RAB3C: variants seen among roughly 807,000 people sequenced by gnomAD.
The protein encoded by RAB3C is ras-related protein Rab-3C.
RAB3C carries 17 observed loss-of-function variants against 26.4 expected under a neutral mutation model. The observed-to-expected ratio is 0.64, with a 90% confidence interval of 0.44 to 0.97. RAB3C has a LOEUF of 0.97. Ranked by LOEUF, RAB3C falls within the 50% of genes least tolerant of loss-of-function variation. The pLI, the probability that RAB3C is intolerant of heterozygous loss-of-function variation, is 0.00. For synonymous variants in RAB3C, 91 were observed against 95.9 expected, an observed-to-expected ratio of 0.95 and a Z score of 0.30; for missense variants, 242 against 281.9, an observed-to-expected ratio of 0.86 and a Z score of 1.01.
chr5:58,803,300 T>A (rs1211703926), intron 3 of RAB3C, among the ~76,000 whole-genome samples: 1 of 152,198 alleles, frequency 6.6e-6, no homozygotes, highest in Non-Finnish European at 1.5e-5. Flanking sequence ...TGAGATAGAT[T>A]TGCTGCACTA....
chr5:58,598,159 T>G (rs1427842841), intron 1 of RAB3C, among the ~76,000 whole-genome samples: 1 of 88,134 alleles, frequency 1.1e-5, no homozygotes, highest in Non-Finnish European at 2.1e-5. Flanking sequence ...ATGTAATACA[T>G]TATATATAAG....
chr5:58,705,053 T>C (rs1748916571), intron 2 of RAB3C, among the ~76,000 whole-genome samples: 1 of 152,064 alleles, frequency 6.6e-6, no homozygotes, highest in African/African-American at 2.4e-5. Flanking sequence ...GATAATAATT[T>C]ATTATTTTTA....
chr5:58,600,355 T>A lies in RAB3C; in HGVS notation c.24+17123T>A, dbSNP rs541774878. On this transcript the variant is annotated intron_variant, in intron 1 of 4. Transcript: ENST00000282878. ...TTGGTTTCATATGAATTTTAGAATT[T>A]TTTTTTCTAATTCTGTGAAGAATAA... is the stretch of plus-strand genomic sequence containing the variant. Among the ~76,000 whole-genome samples, 18 of 152,204 alleles carry A rather than the reference T, an allele frequency of 1.2e-4. No homozygotes were observed. The South Asian group carries it at 3.7e-3, about 32-fold the overall frequency.
intron 1 of RAB3C, among the ~76,000 whole-genome samples, chr5:58,595,397 T>G (rs972323479): frequency 3.3e-5 from 5 of 152,114 alleles, no homozygotes; most frequent in Non-Finnish European, 7.4e-5. Context: ...CTGAGCTATA[T>G]CACCAAGAAG....
At chr5:58,845,987 T>A (rs297545) in intron 4 of RAB3C, among the ~76,000 whole-genome samples, 6,957 of 152,164 alleles carry the variant, frequency 0.046, 416 homozygotes, top group African/African-American at 0.14. Flanking sequence ...TCAGGCTTTT[T>A]TCACTTGGAA....
Position 58,660,656 on chromosome 5 carries a change from C to T in RAB3C, c.252+42786C>T, listed in dbSNP as rs182929237. Reference sequence around the variant, plus strand: ...AATTAATGCCAACAAGATAGACCAACGCTGATTAGTGACTTAAAGGAATAT... The same window carrying T: ...AATTAATGCCAACAAGATAGACCAATGCTGATTAGTGACTTAAAGGAATAT... On this transcript the variant is annotated intron_variant, in intron 2 of 4. Coordinates refer to ENST00000282878, the MANE Select transcript of RAB3C (RefSeq NM_138453.4). Among the ~76,000 whole-genome samples the T allele has an allele frequency of 1.8e-4, 27 of 150,446 alleles. 2 individuals carry two copies. In the East Asian group the frequency reaches 2.1e-3, roughly 12 times the overall value.
chr5:58,625,585 A>G (rs1417485226), intron 2 of RAB3C, among the ~76,000 whole-genome samples: 1 of 152,146 alleles, frequency 6.6e-6, no homozygotes, highest in African/African-American at 2.4e-5. Context: ...CCGGCCGGGC[A>G]CTGTGGCTTA....
intron 1 of RAB3C, among the ~76,000 whole-genome samples, chr5:58,587,791 A>G (rs966260037): frequency 1.3e-5 from 2 of 152,100 alleles, no homozygotes; most frequent in South Asian, 2.1e-4. Context: ...CTCCTGACCA[A>G]TCACGGGTTA....
chr5:58,659,647 T>A (rs1365945284), intron 2 of RAB3C, among the ~76,000 whole-genome samples: 1 of 152,192 alleles, frequency 6.6e-6, no homozygotes, highest in African/African-American at 2.4e-5. Context: ...GAACCAAGCT[T>A]CATTTCCCCC....
At chr5:58,842,539 C>G (rs1417828736) in intron 4 of RAB3C, among the ~76,000 whole-genome samples, 1 of 152,130 alleles carries the variant, frequency 6.6e-6, no homozygotes, top group Non-Finnish European at 1.5e-5. Flanking sequence ...GTACTATGCC[C>G]TATTGTCTCT....
chr5:58,750,031 T>C (rs1046514823), intron 3 of RAB3C, among the ~76,000 whole-genome samples: 2 of 152,208 alleles, frequency 1.3e-5, no homozygotes, highest in African/African-American at 4.8e-5. Context: ...ATTATTCTAT[T>C]TCATACTGTA....
chr5:58,620,938 C>A (rs75753474), intron 2 of RAB3C, among the ~76,000 whole-genome samples: 2,191 of 143,638 alleles, frequency 0.015, 49 homozygotes, highest in African/African-American at 0.053. Context: ...TTCCAGGAAT[C>A]CTTGCATTAT....
chr5:58,676,176 A>G (rs1247365959), intron 2 of RAB3C, among the ~76,000 whole-genome samples: 3 of 152,132 alleles, frequency 2.0e-5, no homozygotes, highest in African/African-American at 7.2e-5. Context: ...GAAATTCTGT[A>G]ACATTCAGAC....
chr5:58,771,819 TTTTTTTCTTTC>T (rs1422333229), intron 3 of RAB3C, among the ~76,000 whole-genome samples: 2 of 151,944 alleles, frequency 1.3e-5, no homozygotes, highest in African/African-American at 4.8e-5. Flanking sequence ...AAAACATCTT[TTTTTTTCTTTC>T]TTTTTTCTTT....
chr5:58,748,001 A>G (rs1343137617), intron 3 of RAB3C, among the ~76,000 whole-genome samples: 3 of 152,148 alleles, frequency 2.0e-5, no homozygotes, highest in Non-Finnish European at 4.4e-5. Context: ...GCAGGTGGCC[A>G]TGAAGAGATC....
At chr5:58,590,601 G>A (rs922686629) in intron 1 of RAB3C, among the ~76,000 whole-genome samples, 1 of 152,016 alleles carries the variant, frequency 6.6e-6, no homozygotes, top group Non-Finnish European at 1.5e-5. Flanking sequence ...GGAGTGCAGT[G>A]GCTGGATCTC....
At chr5:58,788,569 T>C (rs1742445355) in intron 3 of RAB3C, among the ~76,000 whole-genome samples, 1 of 152,264 alleles carries the variant, frequency 6.6e-6, no homozygotes, top group South Asian at 2.1e-4. Context: ...GACCCTGCTT[T>C]AGTGCACCTT....
At chr5:58,660,362 A>T (rs1277853044) in intron 2 of RAB3C, among the ~76,000 whole-genome samples, 4 of 150,104 alleles carry the variant, frequency 2.7e-5, no homozygotes, top group Non-Finnish European at 5.9e-5. Flanking sequence ...ATAAACTTCC[A>T]TCATGAGAAG....
intron 2 of RAB3C, among the ~76,000 whole-genome samples, chr5:58,677,022 CA>C (rs1748243932): frequency 6.6e-6 from 1 of 152,064 alleles, no homozygotes; most frequent in South Asian, 2.1e-4. Context: ...ATGGGGTTAT[CA>C]GGAGCGTGCT....
Sources: gnomAD v4.1 joint callset for allele counts (sites outside exome capture counted in the v4.1 genomes callset) on GRCh38, gnomAD v4.1.1 for gene constraint, MANE v1.5 for transcripts, NCBI Gene and HGNC (gene_info 2026-07-23, HGNC 2026-07-21) for gene names.